Variants in KHDRBS2 observed in about 807,000 individuals in gnomAD.
KHDRBS2 encodes KH domain-containing, RNA-binding, signal transduction-associated protein 2.
KHDRBS2 carries 26 observed loss-of-function variants against 44.3 expected under a neutral mutation model. The observed-to-expected ratio is 0.59, with a 90% CI of 0.43 to 0.81. KHDRBS2 has a LOEUF of 0.81. Among genes scored for constraint, KHDRBS2 ranks in the 40% least tolerant of loss-of-function variants. KHDRBS2 has a pLI of 0.00. For synonymous variants in KHDRBS2, 194 were observed against 151.1 expected (o/e 1.28, Z -2.08); for missense variants, 476 against 433.1 (o/e 1.10, Z -0.88).
chr6:61,930,675 C>T lies in KHDRBS2; in HGVS notation c.484-29304G>A, dbSNP rs531609998. Among the ~76,000 whole-genome samples the T allele has an allele frequency of 6.8e-4, 101 of 148,548 alleles. 1 individual carries two copies. The highest frequency in any genetic ancestry group is 2.2e-3 in the African/African-American group (90 of 40,120). On this transcript the variant is annotated intron_variant, in intron 4 of 8. Coordinates refer to ENST00000281156, the MANE Select transcript of KHDRBS2 (RefSeq NM_152688.4). The stretch of plus-strand genomic sequence containing the variant: ...TGGCGCCACTGCACTCCAGCCTGGG[C>T]GACAGAGTGAGACCCCGTCTCAAAA...
chr6:62,070,483 T>TC, intron 2 of KHDRBS2, among the ~76,000 whole-genome samples: 1 of 151,734 alleles, frequency 6.6e-6, no homozygotes, highest in Non-Finnish European at 1.5e-5. Flanking sequence ...ATGCTATCCC[T>TC]CCCCCCTCCT....
chr6:61,602,825 T>C, the KHDRBS2 span, among the ~76,000 whole-genome samples: 2 of 152,168 alleles, frequency 1.3e-5, no homozygotes, highest in African/African-American at 4.8e-5. Flanking sequence ...TTTTAAGCAC[T>C]CCTTTTTAGT....
At chr6:61,761,466 G>C in intron 6 of KHDRBS2, among the ~76,000 whole-genome samples, 2 of 152,050 alleles carry the variant, frequency 1.3e-5, no homozygotes, top group East Asian at 3.8e-4. Flanking sequence ...TTTTAATCTA[G>C]GAGATTTAGA....
At chr6:61,695,972 T>A (rs962718452) in intron 8 of KHDRBS2, among the ~76,000 whole-genome samples, 9 of 152,064 alleles carry the variant, frequency 5.9e-5, no homozygotes, top group Admixed American at 4.6e-4. Flanking sequence ...ATTATTTAAT[T>A]TATTTATTTT....
chr6:62,075,690 G>T (rs1796191761), intron 2 of KHDRBS2, among the ~76,000 whole-genome samples: 1 of 151,824 alleles, frequency 6.6e-6, no homozygotes, highest in South Asian at 2.1e-4. Context: ...TTTGATAGAT[G>T]AGTAACTCTA....
chr6:62,194,490 T>G (rs1243907492), intron 1 of KHDRBS2, among the ~76,000 whole-genome samples: 3 of 23,226 alleles, frequency 1.3e-4, no homozygotes, highest in Admixed American at 6.7e-4. Flanking sequence ...CTTTTTTTTT[T>G]TTTTTTTTTT....
intron 6 of KHDRBS2, among the ~76,000 whole-genome samples, chr6:61,791,380 G>A (rs1280130946): frequency 1.3e-5 from 2 of 151,184 alleles, no homozygotes; most frequent in Admixed American, 6.6e-5. Flanking sequence ...CTAAGTTTAT[G>A]TCCAAGTATT....
the KHDRBS2 span, among the ~76,000 whole-genome samples, chr6:61,669,950 A>T: frequency 6.6e-6 from 1 of 151,136 alleles, no homozygotes; most frequent in African/African-American, 2.4e-5. Flanking sequence ...AATTGCATAT[A>T]TTTACACACC....
chr6:61,945,897 C>G (rs1226663005), intron 4 of KHDRBS2, among the ~76,000 whole-genome samples: 2 of 152,050 alleles, frequency 1.3e-5, no homozygotes, highest in African/African-American at 4.8e-5. Context: ...TAAAATTGCA[C>G]ACAAAATGCC....
the KHDRBS2 span, among the ~76,000 whole-genome samples, chr6:61,606,260 T>G: frequency 2.6e-5 from 4 of 152,316 alleles, no homozygotes; most frequent in East Asian, 7.7e-4. Flanking sequence ...TCTGTTCACA[T>G]GGACACAAGT....
intron 1 of KHDRBS2, among the ~76,000 whole-genome samples, chr6:62,191,641 T>C (rs973523747): frequency 1.3e-5 from 2 of 152,114 alleles, no homozygotes; most frequent in East Asian, 1.9e-4. Context: ...CATCAGCCTG[T>C]CCCTCTGAAT....
chr6:61,772,895 GTT>G (rs1582745489), intron 6 of KHDRBS2, among the ~76,000 whole-genome samples: 1 of 151,832 alleles, frequency 6.6e-6, no homozygotes, highest in Non-Finnish European at 1.5e-5. Context: ...GCGGTGTTTG[GTT>G]TTTTGTTCTT....
intron 6 of KHDRBS2, among the ~76,000 whole-genome samples, chr6:61,795,164 A>T (rs903963874): frequency 4.0e-5 from 6 of 151,600 alleles, no homozygotes; most frequent in Admixed American, 3.3e-4. Flanking sequence ...AAAAAAAAAA[A>T]AAAAAAGAAA....
chr6:62,128,818 C>A (rs1232183897), intron 2 of KHDRBS2, among the ~76,000 whole-genome samples: 1 of 151,960 alleles, frequency 6.6e-6, no homozygotes, highest in Admixed American at 6.6e-5. Flanking sequence ...AAATTAAAAT[C>A]ATATCCCAGC....
chr6:62,040,462 A>C (rs2127299132), intron 3 of KHDRBS2, among the ~76,000 whole-genome samples: 1 of 152,166 alleles, frequency 6.6e-6, no homozygotes, highest in Non-Finnish European at 1.5e-5. Flanking sequence ...GTGGGTCAGA[A>C]ATTTAGGTAG....
the KHDRBS2 span, among the ~76,000 whole-genome samples, chr6:61,580,964 A>C: frequency 3.3e-5 from 5 of 152,192 alleles, no homozygotes; most frequent in Non-Finnish European, 5.9e-5. Flanking sequence ...AAAAAATATA[A>C]TACTATGAAC....
the KHDRBS2 span, among the ~76,000 whole-genome samples, chr6:61,665,094 T>C: frequency 2.0e-5 from 3 of 151,574 alleles, no homozygotes; most frequent in Non-Finnish European, 4.4e-5. Flanking sequence ...TTGTGTTTGG[T>C]ATGCATTTCA....
chr6:61,601,667 T>A, the KHDRBS2 span, among the ~76,000 whole-genome samples: 1 of 152,048 alleles, frequency 6.6e-6, no homozygotes, highest in Non-Finnish European at 1.5e-5. Flanking sequence ...CCCTCAGTCC[T>A]AACCCCAAGT....
Position 62,286,033 on chromosome 6 carries a change from C to T in KHDRBS2, c.-85G>A. 3 of 797,466 alleles carry T rather than the reference C, an allele frequency of 3.8e-6. No homozygotes were observed. The highest frequency in any genetic ancestry group is 4.3e-6 in the Non-Finnish European group (2 of 469,860). The allele number at this position is 797,466 out of a possible 1,614,324, so 49.4% of individuals were successfully genotyped here. A position where few individuals can be genotyped will look rare whatever the true frequency, so the allele number is the denominator to read the frequency against. ...CAGGGTCTTGGGGCAGCGCCTGGCT[C>T]CCGCGCTGCTCCTCCTCCGCGCGGC... On this transcript the variant is annotated 5_prime_UTR_variant, in exon 1 of 9. Transcript: ENST00000281156.
Sources: gnomAD v4.1 joint callset for allele counts (sites outside exome capture counted in the v4.1 genomes callset) on GRCh38, gnomAD v4.1.1 for gene constraint, MANE v1.5 for transcripts, NCBI Gene and HGNC (gene_info 2026-07-23, HGNC 2026-07-21) for gene names.